NFASC: variants seen among roughly 807,000 people sequenced by gnomAD.
NFASC encodes the protein neurofascin homolog.
A neutral mutation model predicts 147.5 loss-of-function variants in NFASC; 43 were observed. That is an observed-to-expected ratio of 0.29 (90% confidence interval 0.23 to 0.38). NFASC has a LOEUF of 0.38. Ranked by LOEUF, NFASC falls within the 10% of genes least tolerant of loss-of-function variation. The pLI, the probability that NFASC is intolerant of heterozygous loss-of-function variation, is 1.00. For missense variants in NFASC, 1,320 were observed against 1,689.0 expected, an observed-to-expected ratio of 0.78 and a Z score of 3.83; for synonymous variants, 622 against 665.5, an observed-to-expected ratio of 0.93 and a Z score of 1.01.
At chr1:204,915,282 AAAAAAT>A (rs1241235602) in intron 1 of NFASC, among the ~76,000 whole-genome samples, 1 of 152,236 alleles carries the variant, frequency 6.6e-6, no homozygotes, top group Non-Finnish European at 1.5e-5. Context: ...CTCTGTCTCA[AAAAAAT>A]AAAAATAAAA....
intron 1 of NFASC, among the ~76,000 whole-genome samples, chr1:204,844,915 T>C (rs1275969981): frequency 6.6e-6 from 1 of 152,132 alleles, no homozygotes; most frequent in Non-Finnish European, 1.5e-5. Flanking sequence ...CCCATACATC[T>C]TTCTGTAGCT....
chr1:204,951,810 C>T (rs1003765884), intron 4 of NFASC, among the ~76,000 whole-genome samples: 1 of 152,154 alleles, frequency 6.6e-6, no homozygotes, highest in Non-Finnish European at 1.5e-5. Flanking sequence ...TATGCTTAAT[C>T]TTTGACACCC....
chr1:204,976,994 C>T (rs952903683), intron 16 of NFASC, 199 bp downstream of exon 16: 1 of 1,330,720 alleles, frequency 7.5e-7, no homozygotes, highest in African/African-American at 1.5e-5. Flanking sequence ...CAGGTTACCT[C>T]CTGAGTGGAG....
intron 25 of NFASC, chr1:205,000,832 AAAAAAAACAGAAAAC>A (rs2095964584): frequency 3.1e-6 from 1 of 326,604 alleles, no homozygotes; most frequent in South Asian, 2.7e-5. Flanking sequence ...ATCTCAAAAA[AAAAAAAACAGAAAAC>A]AAAAAAACTC....
At chr1:204,848,690 A>C (rs1369278743) in intron 1 of NFASC, among the ~76,000 whole-genome samples, 1 of 152,236 alleles carries the variant, frequency 6.6e-6, no homozygotes, top group Admixed American at 6.5e-5. Context: ...TTTTATGTGT[A>C]CTTTTTCTGT....
rs2095338658 is a variant in NFASC at position 204,974,087 on chromosome 1, T to C, written c.1280-92T>C. 3.0e-6 allele frequency: 3 copies of C among 984,836 alleles called. No homozygotes were observed. In the South Asian group the frequency reaches 4.4e-5, roughly 15 times the overall value. 61.0% of individuals were successfully genotyped at this position (984,836 alleles called of 1,614,324 possible). A position where few individuals can be genotyped will look rare whatever the true frequency, so the allele number is the denominator to read the frequency against. ...GGTGTCTCAGTGCCTGGGAAGCTGC[T>C]GTAAGCAGAAGGCATGCAGAGGTGA... On this transcript the variant is annotated intron_variant, in intron 12 of 29. Coordinates refer to ENST00000339876, the MANE Select transcript of NFASC (RefSeq NM_001005388.3).
At chr1:204,876,242 A>G (rs901868528) in intron 1 of NFASC, among the ~76,000 whole-genome samples, 33 of 152,086 alleles carry the variant, frequency 2.2e-4, no homozygotes, top group Non-Finnish European at 4.9e-4. Context: ...CACCACTCCA[A>G]TCAAGATGGA....
At chr1:204,885,747 G>A (rs1206973628) in intron 1 of NFASC, among the ~76,000 whole-genome samples, 2 of 152,278 alleles carry the variant, frequency 1.3e-5, no homozygotes, top group African/African-American at 2.4e-5. Flanking sequence ...GGTTCAGTTT[G>A]TGAGTTCCAT....
At chr1:204,906,239 A>G (rs2085826478) in intron 1 of NFASC, among the ~76,000 whole-genome samples, 1 of 152,180 alleles carries the variant, frequency 6.6e-6, no homozygotes, top group Admixed American at 6.5e-5. Flanking sequence ...AACAAAATTC[A>G]CCCTTGCTAG....
At position 205,007,062 on chromosome 1, in the gene NFASC, C is replaced by T. The variant is rs1009541949; in HGVS notation, c.3290-2495C>T. ...CTTGCTGGGGGTACAGAAGAGTTGT[C>T]GGGAGCTGGAGGGGGTGGAAGAGCA... On this transcript the variant is annotated intron_variant, in intron 27 of 29. Transcript: ENST00000339876. 4.0e-5 allele frequency among the ~76,000 whole-genome samples: 6 copies of T among 151,474 alleles called. No individual in the cohort carries two copies. The South Asian group carries it at 6.3e-4, about 16-fold the overall frequency.
chr1:204,836,576 A>G (rs1673861110), intron 1 of NFASC, among the ~76,000 whole-genome samples: 1 of 152,220 alleles, frequency 6.6e-6, no homozygotes, highest in Non-Finnish European at 1.5e-5. Context: ...AAGTTAGTAC[A>G]TTGCTGTCAG....
chr1:204,922,311 T>C (rs1466523675), intron 2 of NFASC, among the ~76,000 whole-genome samples: 1 of 152,158 alleles, frequency 6.6e-6, no homozygotes, highest in African/African-American at 2.4e-5. Flanking sequence ...GCTTCTCTGA[T>C]GACAGCAGCC....
At chr1:204,900,614 G>T (rs1047717413) in intron 1 of NFASC, among the ~76,000 whole-genome samples, 1 of 152,180 alleles carries the variant, frequency 6.6e-6, no homozygotes, top group Non-Finnish European at 1.5e-5. Context: ...AGTAAAATAT[G>T]TGTACATTAG....
At chr1:204,990,650 G>A (rs1215778282) in intron 23 of NFASC, 1 of 152,102 alleles carries the variant, frequency 6.6e-6, no homozygotes, top group Non-Finnish European at 1.5e-5. Flanking sequence ...TCCAACTGGA[G>A]GGGAAGAATT....
At chr1:204,930,709 G>C (rs1031503572) in intron 2 of NFASC, among the ~76,000 whole-genome samples, 5 of 152,258 alleles carry the variant, frequency 3.3e-5, no homozygotes, top group Non-Finnish European at 7.3e-5. Context: ...CAGCAACCCT[G>C]TTGTGGAGGG....
At chr1:204,831,978 A>T (rs1397117711) in intron 1 of NFASC, among the ~76,000 whole-genome samples, 1 of 152,138 alleles carries the variant, frequency 6.6e-6, no homozygotes, top group Admixed American at 6.6e-5. Flanking sequence ...TGGTATCAGC[A>T]CCCTGCTCTC....
intron 1 of NFASC, among the ~76,000 whole-genome samples, chr1:204,831,004 G>T (rs879869001): frequency 6.6e-6 from 1 of 152,292 alleles, no homozygotes; most frequent in South Asian, 2.1e-4. Flanking sequence ...CCTCTCCAGC[G>T]TGAGAGGGGG....
intron 27 of NFASC, among the ~76,000 whole-genome samples, chr1:205,007,423 G>A (rs1417183455): frequency 1.3e-5 from 2 of 148,500 alleles, no homozygotes; most frequent in African/African-American, 2.5e-5. Flanking sequence ...GGAGGGAAGG[G>A]GAAGGGAGAG....
At chr1:204,928,661 T>C (rs533148271) in intron 2 of NFASC, among the ~76,000 whole-genome samples, 5 of 152,236 alleles carry the variant, frequency 3.3e-5, no homozygotes, top group South Asian at 2.1e-4. Flanking sequence ...AACAAGTGGA[T>C]GGTTAAAAGA....
Sources: allele counts gnomAD v4.1 joint callset (sites outside exome capture counted in the v4.1 genomes callset), GRCh38; gene constraint gnomAD v4.1.1; transcripts MANE v1.5; gene names NCBI Gene and HGNC (gene_info 2026-07-23, HGNC 2026-07-21).